ZNF761: variants seen among roughly 807,000 people sequenced by gnomAD.
ZNF761 encodes the protein zinc finger protein 761.
Under a neutral mutation model 59.9 loss-of-function variants are expected in ZNF761, and 43 were observed. The observed-to-expected ratio is 0.72, with a 90% CI of 0.56 to 0.92. The LOEUF (loss-of-function observed/expected upper bound fraction) is 0.92, where lower values mean the gene tolerates loss of function less well. ZNF761 is among the 40% of genes least tolerant of loss of function. The pLI is 0.00. For synonymous variants in ZNF761, 294 were observed against 304.8 expected (o/e 0.96, Z 0.37); for missense variants, 850 against 906.1 (o/e 0.94, Z 0.79).
chr19:53,449,428 T>C, intron 3 of ZNF761, 84 bp from the exon 4 acceptor site: 3 of 1,598,104 alleles, frequency 1.9e-6, no homozygotes, highest in Non-Finnish European at 1.7e-6. Context: ...TTTAAATCCA[T>C]GCCTTCACCT....
chr19:53,436,872 C>G (rs2617754), intron 1 of ZNF761, among the ~76,000 whole-genome samples: 111,077 of 152,022 alleles, frequency 0.73, 41,002 homozygotes, highest in Non-Finnish European at 0.77. Context: ...GGGCAGTTCG[C>G]TAAAGTTTAT....
At chr19:53,436,146 T>C (rs566919648) in intron 1 of ZNF761, among the ~76,000 whole-genome samples, 1 of 152,286 alleles carries the variant, frequency 6.6e-6, no homozygotes, top group South Asian at 2.1e-4. Flanking sequence ...TGGTTTCAGC[T>C]GACTGTGGTG....
In ZNF761 at chr19:53,457,975, G is replaced by A. The variant is rs2086286403; in HGVS notation, c.*1227G>A. The A allele has an allele frequency of 6.6e-6, 1 of 152,334 alleles. No individual in the cohort carries two copies. The highest frequency in any genetic ancestry group is 2.1e-4 in the South Asian group (1 of 4,828). The allele number at this position is 152,334 out of a possible 1,614,324, so 9.4% of individuals were successfully genotyped here. A position where few individuals can be genotyped will look rare whatever the true frequency, so the allele number is the denominator to read the frequency against. Reference sequence around the variant, plus strand: ...GTAGCTCAATGTTTTTAATCATTTTGATCAATGTTTGTAGATTTCAAGGTA... The same window carrying A: ...GTAGCTCAATGTTTTTAATCATTTTAATCAATGTTTGTAGATTTCAAGGTA... On this transcript the variant is annotated 3_prime_UTR_variant, in exon 5 of 5. Coordinates refer to ENST00000684525, the MANE Select transcript of ZNF761 (RefSeq NM_001289951.2).
chr19:53,454,862 T>C lies in ZNF761; in HGVS notation c.355T>C (p.Leu119=), dbSNP rs1185841052. Residue 119 remains leucine, a synonymous_variant, in exon 5 of 5, where the codon TTG becomes CTG. Coordinates refer to ENST00000684525, the MANE Select transcript of ZNF761 (RefSeq NM_001289951.2). ...AGCACCCATGACAAAAATCAAAAAG[T>C]TGACAGGTATTACAGAACGATATGA... The part of the protein sequence containing the change: ...HEAPMTKIKK[L]TGITERYDQS... 1 of 1,614,038 alleles carries C rather than the reference T, an allele frequency of 6.2e-7. No individual in the cohort carries two copies. Among genetic ancestry groups the C allele is most frequent in the Non-Finnish European group, 8.5e-7 (1 of 1,180,038 alleles).
At position 53,456,988 on chromosome 19, in the gene ZNF761, A is replaced by C. The variant is rs1485120853; in HGVS notation, c.*240A>C. The C allele has an allele frequency of 8.5e-6, 6 of 705,268 alleles. No individual in the cohort carries two copies. The highest frequency in any genetic ancestry group is 1.5e-5 in the Non-Finnish European group (6 of 404,942). 43.7% of individuals were successfully genotyped at this position (705,268 alleles called of 1,614,324 possible). On this transcript the variant is annotated 3_prime_UTR_variant, in exon 5 of 5. Coordinates refer to ENST00000684525, the MANE Select transcript of ZNF761 (RefSeq NM_001289951.2). ...GAATTCATACTGGAGAGAAACCATA[A>C]AAATGTAAGAGTTTGTGACAAGGCT...
chr19:53,441,947 G>A lies in ZNF761; in HGVS notation c.-184-4280G>A, dbSNP rs972400110. The A allele has an allele frequency of 2.2e-5, 32 of 1,481,082 alleles. 1 individual carries two copies. The highest frequency in any genetic ancestry group is 2.5e-5 in the Non-Finnish European group (27 of 1,079,602). The allele number at this position is 1,481,082 out of a possible 1,614,324, so 91.7% of individuals were successfully genotyped here. On this transcript the variant is annotated intron_variant, in intron 1 of 4. Coordinates refer to ENST00000684525, the MANE Select transcript of ZNF761 (RefSeq NM_001289951.2). ...GGCAGATGATGCAGAGGAGTGAGCT[G>A]AGCACCTCCAGTGAGAAGCTGAGGG...
rs1158032410 is a variant in ZNF761, at chr19:53,456,842, TAA to T, written c.*96_*97del. On this transcript the variant is annotated 3_prime_UTR_variant, in exon 5 of 5. Transcript: ENST00000684525. ...AACCTTAGAAATGTGAAGCATGTGA[TAA>T]AGTTTACAGTGGCAAATCAAGCCTC... 5.7e-6 allele frequency: 8 copies of T among 1,412,326 alleles called. No homozygotes were observed. In the Admixed American group the frequency reaches 7.3e-5, roughly 13 times the overall value. 87.5% of individuals were successfully genotyped at this position (1,412,326 alleles called of 1,614,324 possible).
At chr19:53,448,950 C>G (rs902546183) in intron 3 of ZNF761, among the ~76,000 whole-genome samples, 4 of 152,078 alleles carry the variant, frequency 2.6e-5, no homozygotes, top group Non-Finnish European at 5.9e-5. Flanking sequence ...ATTTTAGTTT[C>G]TCATCTTTCA....
intron 1 of ZNF761, among the ~76,000 whole-genome samples, chr19:53,433,919 T>C (rs750614218): frequency 2.6e-5 from 4 of 152,224 alleles, no homozygotes; most frequent in Non-Finnish European, 4.4e-5. Context: ...CTTACAGTTA[T>C]TTCTTTAATA....
At chr19:53,449,705 T>C in intron 4 of ZNF761, 67 bp downstream of exon 4, 1 of 1,590,792 alleles carries the variant, frequency 6.3e-7, no homozygotes, top group Non-Finnish European at 8.5e-7. Flanking sequence ...CTCTTGTTTT[T>C]AGATACAGTG....
intron 1 of ZNF761, among the ~76,000 whole-genome samples, chr19:53,438,841 G>A (rs2086069213): frequency 6.6e-6 from 1 of 152,168 alleles, no homozygotes; most frequent in African/African-American, 2.4e-5. Context: ...ATAGGAGATG[G>A]AGGAGATCCT....
rs563301884 is a variant in ZNF761 at position 53,446,904 on chromosome 19, G to A, written c.-73-292G>A. 7.2e-5 allele frequency among the ~76,000 whole-genome samples: 11 copies of A among 152,280 alleles called. No individual in the cohort carries two copies. The South Asian group carries it at 2.1e-3, about 29-fold the overall frequency. The stretch of plus-strand genomic sequence containing the variant: ...CCCAGAGTGCTGGGATGACAGGCAT[G>A]AGGCACCAGACCCAGCATCTGCATG... On this transcript the variant is annotated intron_variant, in intron 2 of 4. Transcript: ENST00000684525.
chr19:53,445,686 ATT>A (rs1182665690), intron 1 of ZNF761, among the ~76,000 whole-genome samples: 2 of 152,170 alleles, frequency 1.3e-5, no homozygotes, highest in Non-Finnish European at 2.9e-5. Context: ...CAAAAATAAA[ATT>A]AAAAAAAATT....
At position 53,447,190 on chromosome 19, in the gene ZNF761, A is replaced by G. The variant is rs1178920981; in HGVS notation, c.-73-6A>G. ...GAGCAATAAACAACATATTTCTAAC[A>G]TTCAGGATTGACTTCTAAAGACTCT... On this transcript the variant is annotated splice_region_variant and splice_polypyrimidine_tract_variant and intron_variant, in intron 2 of 4. Coordinates refer to ENST00000684525, the MANE Select transcript of ZNF761 (RefSeq NM_001289951.2). 5 of 1,561,148 alleles carry G rather than the reference A, an allele frequency of 3.2e-6. No individual in the cohort carries two copies. The highest frequency in any genetic ancestry group is 2.3e-5 in the South Asian group (2 of 87,356).
intron 1 of ZNF761, among the ~76,000 whole-genome samples, chr19:53,440,281 A>C (rs148855190): frequency 3.9e-5 from 6 of 152,308 alleles, no homozygotes; most frequent in African/African-American, 1.4e-4. Context: ...GTCAGCTGAG[A>C]TCATGCCACT....
intron 2 of ZNF761, among the ~76,000 whole-genome samples, chr19:53,446,753 C>A (rs2086164411): frequency 6.6e-6 from 1 of 152,154 alleles, no homozygotes. Flanking sequence ...AAGTGATCTT[C>A]ACACCTCAGA....
At chr19:53,434,788 T>C (rs535999889) in intron 1 of ZNF761, among the ~76,000 whole-genome samples, 3 of 152,296 alleles carry the variant, frequency 2.0e-5, no homozygotes, top group Admixed American at 2.0e-4. Flanking sequence ...AGGCCATTGG[T>C]CTACTATGTT....
rs2708739 is a variant in ZNF761, at chr19:53,457,271, A to G, written c.*523A>G. On this transcript the variant is annotated 3_prime_UTR_variant, in exon 5 of 5. Coordinates refer to ENST00000684525, the MANE Select transcript of ZNF761 (RefSeq NM_001289951.2). ...GTAATAAATGTGGCAGATTTTTCAG[A>G]CATTGTTCATACCTTGCAGTTCATC... The G allele has an allele frequency of 0.027, 11,593 of 425,880 alleles. 1,191 individuals carry two copies. Among genetic ancestry groups the G allele is most frequent in the African/African-American group, 0.22 (10,708 of 48,764 alleles). The allele number at this position is 425,880 out of a possible 1,614,324, so 26.4% of individuals were successfully genotyped here.
rs2086257081 is a variant in ZNF761, at chr19:53,455,338, G to A, written c.831G>A (p.Lys277=). 1 of 1,614,078 alleles carries A rather than the reference G, an allele frequency of 6.2e-7. No individual in the cohort carries two copies. Among genetic ancestry groups the A allele is most frequent in the Non-Finnish European group, 8.5e-7 (1 of 1,180,040 alleles). The change falls in exon 5 of 5, where the codon AAG becomes AAA. Residue 277 remains lysine, a synonymous_variant. Transcript: ENST00000684525. ...CTTACAAGTGTAATGAGTGTGGCAA[G>A]ACCTTCAGTCAGACGTCATCCCTTA... The part of the protein sequence containing the change: ...ENPYKCNECG[K]TFSQTSSLTC...
Sources: allele counts gnomAD v4.1 joint callset (sites outside exome capture counted in the v4.1 genomes callset), GRCh38; gene constraint gnomAD v4.1.1; transcripts MANE v1.5; gene names NCBI Gene and HGNC (gene_info 2026-07-23, HGNC 2026-07-21).